Variants in SPATA6L observed in about 807,000 individuals in gnomAD.
SPATA6L encodes spermatogenesis associated 6 like, also known as spermatogenesis associated 6-like protein.
A neutral mutation model predicts 49.2 loss-of-function variants in SPATA6L; 68 were observed. The ratio of observed to expected loss-of-function variants is 1.38; its 90% confidence interval spans 1.14 to 1.69. The LOEUF is 1.69. Ranked by LOEUF, SPATA6L falls within the 40% of genes most tolerant of loss-of-function variation. The pLI is 0.00. For missense variants in SPATA6L, 668 were observed against 464.3 expected, an observed-to-expected ratio of 1.44 and a Z score of -4.03; for synonymous variants, 198 against 165.7, an observed-to-expected ratio of 1.19 and a Z score of -1.50.
chr9:4,659,584 G>A (rs557594194), intron 2 of SPATA6L, among the ~76,000 whole-genome samples: 5 of 152,234 alleles, frequency 3.3e-5, no homozygotes, highest in African/African-American at 1.2e-4. Flanking sequence ...AATCAATATC[G>A]TGAAAATGGC....
At chr9:4,646,337 A>G (rs1835367849) in intron 3 of SPATA6L, 1 of 421,184 alleles carries the variant, frequency 2.4e-6, no homozygotes, top group Non-Finnish European at 4.1e-6. Flanking sequence ...GATTGGCAGA[A>G]AAAAGGCATG....
intron 2 of SPATA6L, among the ~76,000 whole-genome samples, chr9:4,658,315 G>C (rs1385024969): frequency 1.3e-5 from 2 of 152,118 alleles, no homozygotes; most frequent in East Asian, 1.9e-4. Flanking sequence ...GTAACTTGTT[G>C]ACCCAAATGC....
At chr9:4,660,756 C>T (rs1367295391) in intron 2 of SPATA6L, among the ~76,000 whole-genome samples, 3 of 152,170 alleles carry the variant, frequency 2.0e-5, no homozygotes, top group Non-Finnish European at 2.9e-5. Flanking sequence ...GCACTATTCA[C>T]AATAGCAAAG....
chr9:4,662,215 T>C lies in SPATA6L; in HGVS notation c.40-179A>G. 7.0e-7 allele frequency: 1 copy of C among 1,434,934 alleles called. No homozygotes were observed. Among genetic ancestry groups the C allele is most frequent in the Non-Finnish European group, 9.1e-7 (1 of 1,099,146 alleles). 88.9% of individuals were successfully genotyped at this position (1,434,934 alleles called of 1,614,324 possible). ...CCCTCTGCTCTCCTCACATTGGAAA[T>C]TCCAACTCCCTCCCACGTCTCCACC... is the stretch of plus-strand genomic sequence containing the variant. On this transcript the variant is annotated intron_variant, in intron 1 of 11. Transcript: ENST00000682582. The surrounding 1 kb of genome is among the most constrained non-coding windows in gnomAD (Gnocchi z 4.9).
intron 3 of SPATA6L, among the ~76,000 whole-genome samples, chr9:4,638,117 T>C (rs1833174406): frequency 6.6e-6 from 1 of 152,148 alleles, no homozygotes; most frequent in South Asian, 2.1e-4. Context: ...CAAATAAAGG[T>C]ATAATTAAAA....
At chr9:4,645,537 T>C (rs1587386680) in intron 3 of SPATA6L, among the ~76,000 whole-genome samples, 1 of 152,144 alleles carries the variant, frequency 6.6e-6, no homozygotes, top group South Asian at 2.1e-4. Flanking sequence ...CATCCTCCTC[T>C]TATAAAGCCA....
chr9:4,612,680 T>G (rs139551052), intron 9 of SPATA6L, among the ~76,000 whole-genome samples: 2 of 152,240 alleles, frequency 1.3e-5, no homozygotes, highest in African/African-American at 2.4e-5. Flanking sequence ...GAAATTGAGC[T>G]GAGACTCTTT....
chr9:4,607,073 G>C (rs1250313683), intron 9 of SPATA6L, among the ~76,000 whole-genome samples: 1 of 151,450 alleles, frequency 6.6e-6, no homozygotes, highest in Non-Finnish European at 1.5e-5. Flanking sequence ...ATGAAATGAA[G>C]CGAGAAGGGA....
At chr9:4,613,540 C>G (rs1485909067) in intron 9 of SPATA6L, among the ~76,000 whole-genome samples, 1 of 152,104 alleles carries the variant, frequency 6.6e-6, no homozygotes, top group Non-Finnish European at 1.5e-5. Flanking sequence ...CCACCTAAAG[C>G]ACTGCCCATG....
chr9:4,660,116 A>G (rs1456749179), intron 2 of SPATA6L, among the ~76,000 whole-genome samples: 1 of 152,264 alleles, frequency 6.6e-6, no homozygotes, highest in East Asian at 1.9e-4. Flanking sequence ...GGACATATGC[A>G]TGGGCAAGGA....
chr9:4,607,628 AGAGCTCCT>A lies in SPATA6L; in HGVS notation c.996-2196_996-2189del, dbSNP rs1387374003. 3.9e-5 allele frequency among the ~76,000 whole-genome samples: 6 copies of A among 152,218 alleles called. No individual in the cohort carries two copies. The South Asian group carries it at 1.2e-3, about 32-fold the overall frequency. The stretch of plus-strand genomic sequence containing the variant: ...TTGTCACCACCAGGCCTGCCCTAAA[AGAGCTCCT>A]GAAGGAAGCGCTAAACATGGAAAGG... On this transcript the variant is annotated intron_variant, in intron 9 of 11. Coordinates refer to ENST00000682582, the MANE Select transcript of SPATA6L (RefSeq NM_001353486.2).
At chr9:4,616,206 G>T (rs1189345302) in intron 9 of SPATA6L, among the ~76,000 whole-genome samples, 2 of 152,142 alleles carry the variant, frequency 1.3e-5, no homozygotes, top group East Asian at 3.9e-4. Context: ...GGGTTGGGGA[G>T]GTCAAGGCTG....
intron 4 of SPATA6L, among the ~76,000 whole-genome samples, chr9:4,634,484 A>C (rs1832355803): frequency 6.6e-6 from 1 of 152,222 alleles, no homozygotes; most frequent in Non-Finnish European, 1.5e-5. Flanking sequence ...GATAAGCTTC[A>C]TAGAAACAGA....
chr9:4,642,892 A>G (rs928670965), intron 3 of SPATA6L, among the ~76,000 whole-genome samples: 7 of 152,240 alleles, frequency 4.6e-5, no homozygotes, highest in Non-Finnish European at 1.0e-4. Flanking sequence ...ACAGAAGGAA[A>G]GAAAGAAAAC....
At chr9:4,627,386 T>C (rs1299535021) in intron 5 of SPATA6L, 1 of 164,996 alleles carries the variant, frequency 6.1e-6, no homozygotes, top group Non-Finnish European at 1.3e-5. Context: ...ATATGAGTTA[T>C]TTAGCTAAGA....
At chr9:4,656,441 AAAGG>A (rs376151295) in intron 2 of SPATA6L, among the ~76,000 whole-genome samples, 21,905 of 112,514 alleles carry the variant, frequency 0.19, 2,211 homozygotes, top group South Asian at 0.24. Flanking sequence ...CCTGTGAAAG[AAAGG>A]AAGGAAGGAA....
intron 4 of SPATA6L, among the ~76,000 whole-genome samples, chr9:4,634,711 G>A (rs192390115): frequency 3.3e-5 from 5 of 152,244 alleles, no homozygotes; most frequent in Admixed American, 2.0e-4. Flanking sequence ...AATAGAAATC[G>A]TCAAAGACAA....
chr9:4,633,869 G>A (rs1363258404), intron 4 of SPATA6L: 1 of 152,184 alleles, frequency 6.6e-6, no homozygotes, highest in African/African-American at 2.4e-5. Flanking sequence ...GAGAGAAATT[G>A]AGTCCCTCTA....
At chr9:4,643,401 C>G (rs1834490478) in intron 3 of SPATA6L, among the ~76,000 whole-genome samples, 1 of 152,106 alleles carries the variant, frequency 6.6e-6, no homozygotes, top group Non-Finnish European at 1.5e-5. Context: ...AGTATTGGAA[C>G]CTTATTGGGG....
Sources: allele counts gnomAD v4.1 joint callset (sites outside exome capture counted in the v4.1 genomes callset), GRCh38; gene constraint gnomAD v4.1.1; non-coding constraint Gnocchi (gnomAD v3.1); transcripts MANE v1.5; gene names NCBI Gene and HGNC (gene_info 2026-07-23, HGNC 2026-07-21).